Variants in AKAP13 observed in about 807,000 individuals in gnomAD.
AKAP13 encodes A-kinase anchor protein 13.
In AKAP13, 80 loss-of-function variants were observed where a neutral mutation model predicts 264.5. The observed-to-expected ratio is 0.30, with a 90% CI of 0.25 to 0.36. The LOEUF is 0.36. AKAP13 is among the 10% of genes least tolerant of loss of function. The pLI is 1.00. For synonymous variants in AKAP13, 1,380 were observed against 1,250.2 expected (o/e 1.10, Z -2.19); for missense variants, 3,712 against 3,435.2 (o/e 1.08, Z -2.01).
chr15:85,744,027 C>T (rs2089257105), intron 36 of AKAP13: 2 of 606,328 alleles, frequency 3.3e-6, no homozygotes, highest in African/African-American at 1.8e-5. Flanking sequence ...GGCACGTGTG[C>T]AGAAGCAGAG....
chr15:85,655,639 G>T lies in AKAP13; in HGVS notation c.4597G>T (p.Val1533Leu). 6.2e-6 allele frequency: 10 copies of T among 1,614,234 alleles called. No homozygotes were observed. Among genetic ancestry groups the T allele is most frequent in the Non-Finnish European group, 6.8e-6 (8 of 1,180,040 alleles). Residue 1533 changes from valine (V) to leucine (L), a missense_variant, in exon 11 of 37, where the codon GTG becomes TTG. Around this residue, in one of 3 missense-constraint regions of AKAP13, gnomAD observed 2,759 missense variants for 2,411.7 expected, o/e 1.14. Transcript: ENST00000394518. Reference protein sequence around the residue: ...SESEPADPGDVEEEEMDSITE... With the variant: ...SESEPADPGDLEEEEMDSITE... ...GAGTGAGCCTGCTGACCCAGGCGAC[G>T]TGGAGGAGGAGGAGATGGACAGTAT...
At chr15:85,614,862 C>T (rs537486138) in intron 8 of AKAP13, among the ~76,000 whole-genome samples, 2 of 152,250 alleles carry the variant, frequency 1.3e-5, no homozygotes, top group South Asian at 2.1e-4. Flanking sequence ...TGAAATTGTA[C>T]CTGTGGAAGC....
chr15:85,563,462 C>G (rs547850765), intron 5 of AKAP13, among the ~76,000 whole-genome samples: 86 of 149,414 alleles, frequency 5.8e-4, no homozygotes, highest in African/African-American at 8.1e-4. Flanking sequence ...GACTTTGGAA[C>G]TTTTTATCAG....
intron 8 of AKAP13, chr15:85,620,041 C>T: frequency 5.2e-6 from 8 of 1,535,100 alleles, no homozygotes; most frequent in Non-Finnish European, 7.0e-6. Context: ...CCCAAGTTAA[C>T]AGTGGATATA....
chr15:85,439,297 A>G (rs990016551), intron 1 of AKAP13, among the ~76,000 whole-genome samples: 6 of 146,104 alleles, frequency 4.1e-5, no homozygotes, highest in African/African-American at 7.6e-5. Flanking sequence ...TTAGAATGGC[A>G]ATCATTAAAA....
intron 2 of AKAP13, among the ~76,000 whole-genome samples, chr15:85,495,777 T>A (rs1368890783): frequency 1.3e-5 from 2 of 152,172 alleles, no homozygotes. Flanking sequence ...TCTGGTTGAT[T>A]ATGTCGTCCT....
intron 4 of AKAP13, among the ~76,000 whole-genome samples, chr15:85,541,779 A>G (rs1479497180): frequency 2.8e-4 from 43 of 152,262 alleles, no homozygotes; most frequent in Non-Finnish European, 1.5e-5. Flanking sequence ...TGCATGGTGC[A>G]TAGCACTACA....
chr15:85,676,354 A>G (rs2084228984), intron 14 of AKAP13, among the ~76,000 whole-genome samples: 1 of 152,228 alleles, frequency 6.6e-6, no homozygotes, highest in African/African-American at 2.4e-5. Context: ...ATAAGGATTC[A>G]GGAATGGTGC....
chr15:85,439,937 A>T (rs748026271), intron 1 of AKAP13, among the ~76,000 whole-genome samples: 42 of 151,444 alleles, frequency 2.8e-4, no homozygotes, highest in African/African-American at 8.9e-4. Flanking sequence ...AACCTGCACA[A>T]TATGCACATG....
chr15:85,488,418 G>A (rs564462514), intron 2 of AKAP13, among the ~76,000 whole-genome samples: 1 of 152,318 alleles, frequency 6.6e-6, no homozygotes, highest in East Asian at 1.9e-4. Context: ...AGTATTAAAG[G>A]TTTTTGGTTA....
chr15:85,701,735 G>A lies in AKAP13; in HGVS notation c.5465-6284G>A, dbSNP rs963618706. Among the ~76,000 whole-genome samples, 6 of 151,822 alleles carry A rather than the reference G, an allele frequency of 4.0e-5. No individual in the cohort carries two copies. The South Asian group carries it at 6.3e-4, about 16-fold the overall frequency. ...TGGGATTACAGGCGTGAGCCACCAT[G>A]CCTGGCTATATTTGAGGTTTAAACT... is the stretch of plus-strand genomic sequence containing the variant. On this transcript the variant is annotated intron_variant, in intron 17 of 36. Transcript: ENST00000394518.
At chr15:85,649,404 G>C (rs2082703172) in intron 10 of AKAP13, among the ~76,000 whole-genome samples, 1 of 152,200 alleles carries the variant, frequency 6.6e-6, no homozygotes, top group Non-Finnish European at 1.5e-5. Flanking sequence ...TTCCTTAAAA[G>C]TCTTCCTCAG....
chr15:85,520,806 G>A, intron 2 of AKAP13: 1 of 479,380 alleles, frequency 2.1e-6, no homozygotes, highest in Non-Finnish European at 4.1e-6. Context: ...GTGGTATTAG[G>A]TGATTTTGTT....
chr15:85,728,091 G>C (rs62022947), intron 29 of AKAP13, among the ~76,000 whole-genome samples: 28,405 of 152,076 alleles, frequency 0.19, 2,883 homozygotes, highest in Non-Finnish European at 0.22. Context: ...TAGTTAGTGG[G>C]TAAGCCAGAA....
chr15:85,543,931 A>G lies in AKAP13; in HGVS notation c.638A>G (p.His213Arg). The G allele has an allele frequency of 6.2e-7, 1 of 1,613,286 alleles. No homozygotes were observed. Among genetic ancestry groups the G allele is most frequent in the Non-Finnish European group, 8.5e-7 (1 of 1,179,378 alleles). ...AGCTTGGCCTTGGAGCGAGGCTATC[A>G]CAAGCTGCACCAGCTTCTAACCGAG... ...PVSLALERGY[H>R]KLHQLLTEEN... Residue 213 changes from histidine to arginine, a missense_variant, in exon 5 of 37, where the codon CAC (histidine) becomes CGC (arginine). Physicochemically the swap from His to Arg is conservative, Grantham distance 29. Around this residue, in one of 3 missense-constraint regions of AKAP13, gnomAD observed 2,759 missense variants for 2,411.7 expected, o/e 1.14. Transcript: ENST00000394518.
At chr15:85,416,649 T>G (rs1230902057) in intron 1 of AKAP13, among the ~76,000 whole-genome samples, 1 of 152,182 alleles carries the variant, frequency 6.6e-6, no homozygotes, top group Admixed American at 6.5e-5. Flanking sequence ...CAGGGTGTGT[T>G]AAGTATTGAA....
chr15:85,644,576 C>G (rs2082462086), intron 9 of AKAP13, among the ~76,000 whole-genome samples: 1 of 150,726 alleles, frequency 6.6e-6, no homozygotes, highest in Non-Finnish European at 1.5e-5. Context: ...AGGGCCAGGC[C>G]CAGTGGCTCA....
intron 5 of AKAP13, among the ~76,000 whole-genome samples, chr15:85,560,639 A>G (rs1249550045): frequency 6.7e-6 from 1 of 149,080 alleles, no homozygotes; most frequent in African/African-American, 2.5e-5. Context: ...TATGGTCTTT[A>G]TAAATATTTT....
chr15:85,574,999 G>A, intron 5 of AKAP13, 132 bp from the exon 6 acceptor site: 2 of 718,756 alleles, frequency 2.8e-6, no homozygotes, highest in South Asian at 3.5e-5. Flanking sequence ...CATTTGGGAG[G>A]TATATATACT....
Sources: allele counts gnomAD v4.1 joint callset (sites outside exome capture counted in the v4.1 genomes callset), GRCh38; gene constraint gnomAD v4.1.1; regional missense constraint gnomAD v4.1.1; transcripts MANE v1.5; gene names NCBI Gene and HGNC (gene_info 2026-07-23, HGNC 2026-07-21).